The following CACNA1A variants were observed in gnomAD, a reference collection of about 807,000 sequenced individuals.
CACNA1A encodes the protein voltage-dependent P/Q-type calcium channel subunit alpha-1A.
A neutral mutation model predicts 262.4 loss-of-function variants in CACNA1A; 57 were observed. The observed-to-expected ratio is 0.22, with a 90% confidence interval of 0.18 to 0.27. The LOEUF (loss-of-function observed/expected upper bound fraction) is 0.27, where lower values mean the gene tolerates loss of function less well. Among genes scored for constraint, CACNA1A ranks in the 10% least tolerant of loss-of-function variants. CACNA1A has a pLI of 1.00. For synonymous variants in CACNA1A, 1,431 were observed against 1,419.3 expected (o/e 1.01, Z -0.18); for missense variants, 2,526 against 3,562.8 (o/e 0.71, Z 7.41).
intron 6 of CACNA1A, among the ~76,000 whole-genome samples, chr19:13,343,977 A>G (rs1219531607): frequency 1.3e-5 from 2 of 152,276 alleles, no homozygotes; most frequent in Middle Eastern, 3.4e-3. Flanking sequence ...TTGGGGGGCT[A>G]AGGCAGGAGG....
chr19:13,373,341 C>A (rs1226604831), intron 3 of CACNA1A, among the ~76,000 whole-genome samples: 1 of 152,104 alleles, frequency 6.6e-6, no homozygotes, highest in Non-Finnish European at 1.5e-5. Flanking sequence ...CAGTTTTATC[C>A]AGGGGCTTGG....
At chr19:13,403,285 G>C (rs2059942658) in intron 3 of CACNA1A, among the ~76,000 whole-genome samples, 1 of 151,884 alleles carries the variant, frequency 6.6e-6, no homozygotes, top group Non-Finnish European at 1.5e-5. Context: ...TCTTTGCCTG[G>C]GACATTCTAA....
intron 29 of CACNA1A, 39 bp from the exon 30 acceptor site, chr19:13,253,140 AG>A (rs1391720276): frequency 6.0e-6 from 8 of 1,333,350 alleles, no homozygotes; most frequent in Non-Finnish European, 8.6e-6. Flanking sequence ...GTCAGCGAGC[AG>A]GGGTGGGAAG....
intron 4 of CACNA1A, chr19:13,370,739 TA>T (rs536125102): frequency 4.8e-3 from 536 of 112,480 alleles, no homozygotes; most frequent in Middle Eastern, 8.8e-3. Flanking sequence ...GGCTAATTTC[TA>T]AAAAAAAAAA....
intron 19 of CACNA1A, among the ~76,000 whole-genome samples, chr19:13,291,429 T>C (rs956443921): frequency 2.5e-4 from 38 of 150,906 alleles, no homozygotes; most frequent in African/African-American, 9.3e-4. Flanking sequence ...AGGAGGAGAC[T>C]GAGGTTCAGA....
In CACNA1A at chr19:13,436,114, C is replaced by T. The variant is rs114374536; in HGVS notation, c.539+16762G>A. Reference sequence around the variant, plus strand: ...TGTTGGGATTACAGGTGTGAGCCACCGTGCCTGGCCTGCCTTTGCCTGTTT... The same window carrying T: ...TGTTGGGATTACAGGTGTGAGCCACTGTGCCTGGCCTGCCTTTGCCTGTTT... On this transcript the variant is annotated intron_variant, in intron 3 of 46. Coordinates refer to ENST00000360228, the MANE Select transcript of CACNA1A (RefSeq NM_001127222.2). Among the ~76,000 whole-genome samples the T allele has an allele frequency of 6.7e-3, 1,026 of 152,228 alleles. 17 individuals are homozygous for T. The highest frequency in any genetic ancestry group is 0.022 in the African/African-American group (925 of 41,528).
At chr19:13,466,655 T>A (rs2061246212) in intron 1 of CACNA1A, among the ~76,000 whole-genome samples, 1 of 134,628 alleles carries the variant, frequency 7.4e-6, no homozygotes, top group Admixed American at 7.4e-5. Context: ...CTCTGTCTTT[T>A]AAAATACTGC....
At chr19:13,310,628 C>T (rs2058016595) in intron 12 of CACNA1A, among the ~76,000 whole-genome samples, 1 of 149,226 alleles carries the variant, frequency 6.7e-6, no homozygotes. Flanking sequence ...GAGATTCATT[C>T]CTGTTGTTGG....
intron 30 of CACNA1A, among the ~76,000 whole-genome samples, chr19:13,249,809 G>A (rs7250465): frequency 0.022 from 1,985 of 92,210 alleles, 43 homozygotes; most frequent in African/African-American, 0.086. Flanking sequence ...TATATAGGAC[G>A]AGGCAAGATC....
chr19:13,385,981 A>AC (rs748832249), intron 3 of CACNA1A, among the ~76,000 whole-genome samples: 3 of 151,482 alleles, frequency 2.0e-5, no homozygotes, highest in Non-Finnish European at 4.4e-5. Flanking sequence ...ACATAAAGAG[A>AC]CCCCATCTCT....
intron 1 of CACNA1A, among the ~76,000 whole-genome samples, chr19:13,488,106 C>T (rs1980255526): frequency 6.6e-6 from 1 of 152,160 alleles, no homozygotes; most frequent in South Asian, 2.1e-4. Context: ...ATCATCCCAT[C>T]ATTTACTTCT....
intron 19 of CACNA1A, among the ~76,000 whole-genome samples, chr19:13,292,219 T>C (rs567988916): frequency 1.2e-3 from 182 of 152,270 alleles, no homozygotes; most frequent in African/African-American, 2.7e-3. Flanking sequence ...CATTGAATTA[T>C]ATGAAATAGA....
chr19:13,393,412 C>A (rs1181827511), intron 3 of CACNA1A, among the ~76,000 whole-genome samples: 1 of 152,136 alleles, frequency 6.6e-6, no homozygotes, highest in Non-Finnish European at 1.5e-5. Context: ...CAAAACTAAT[C>A]TAGACTGTTT....
chr19:13,262,957 G>A, intron 24 of CACNA1A, 124 bp from the exon 25 acceptor site: 1 of 705,888 alleles, frequency 1.4e-6, no homozygotes, highest in South Asian at 1.5e-5. Flanking sequence ...GGTGAGCTTG[G>A]CACAGCCCTG....
At chr19:13,468,061 G>A (rs2061286277) in intron 1 of CACNA1A, among the ~76,000 whole-genome samples, 1 of 151,950 alleles carries the variant, frequency 6.6e-6, no homozygotes, top group Admixed American at 6.6e-5. Context: ...TTTAAACATG[G>A]AAGAATTAAC....
At chr19:13,492,204 C>CA (rs1980972898) in intron 1 of CACNA1A, among the ~76,000 whole-genome samples, 1 of 152,154 alleles carries the variant, frequency 6.6e-6, no homozygotes, top group Non-Finnish European at 1.5e-5. Flanking sequence ...TGACATGCCT[C>CA]AATTTCAACA....
chr19:13,356,924 G>A (rs775031594), intron 6 of CACNA1A, among the ~76,000 whole-genome samples: 19 of 152,264 alleles, frequency 1.2e-4, no homozygotes, highest in Admixed American at 6.5e-5. Context: ...CATGTTCCCA[G>A]AGATGCTACA....
chr19:13,235,545 A>T, intron 32 of CACNA1A, 69 bp downstream of exon 32: 1 of 1,086,340 alleles, frequency 9.2e-7, no homozygotes, highest in Non-Finnish European at 1.4e-6. Context: ...TCTGACTTCT[A>T]CATTCAGCCA....
At chr19:13,238,050 A>C (rs1157571989) in intron 31 of CACNA1A, among the ~76,000 whole-genome samples, 1 of 152,146 alleles carries the variant, frequency 6.6e-6, no homozygotes, top group East Asian at 1.9e-4. Flanking sequence ...TCTTGGAGCC[A>C]AGTGGGGGAG....
Sources: allele counts gnomAD v4.1 joint callset (sites outside exome capture counted in the v4.1 genomes callset), GRCh38; gene constraint gnomAD v4.1.1; transcripts MANE v1.5; gene names NCBI Gene and HGNC (gene_info 2026-07-23, HGNC 2026-07-21).